Variants in CCDC60 observed in about 807,000 individuals in gnomAD.
The protein encoded by CCDC60 is coiled-coil domain containing 60.
A neutral mutation model predicts 63.5 loss-of-function variants in CCDC60; 54 were observed. That is an observed-to-expected ratio of 0.85 (90% CI 0.68 to 1.07). CCDC60 has a LOEUF of 1.07. CCDC60 is among the 50% of genes least tolerant of loss of function. CCDC60 has a pLI of 0.00. For missense variants in CCDC60, 651 were observed against 684.3 expected, an observed-to-expected ratio of 0.95 and a Z score of 0.54; for synonymous variants, 206 against 238.8, an observed-to-expected ratio of 0.86 and a Z score of 1.27.
chr12:119,383,639 C>G (rs1267875609), intron 1 of CCDC60, among the ~76,000 whole-genome samples: 1 of 152,208 alleles, frequency 6.6e-6, no homozygotes. Flanking sequence ...GCATTCATGC[C>G]TTTTGAGAGC....
intron 1 of CCDC60, among the ~76,000 whole-genome samples, chr12:119,350,181 A>G (rs1955641220): frequency 2.1e-5 from 2 of 96,172 alleles, no homozygotes; most frequent in South Asian, 6.0e-4. Flanking sequence ...TTATTTATTT[A>G]TTTATTTATT....
At chr12:119,412,761 C>A (rs1488762883) in intron 1 of CCDC60, among the ~76,000 whole-genome samples, 1 of 91,878 alleles carries the variant, frequency 1.1e-5, no homozygotes, top group Admixed American at 1.0e-4. Flanking sequence ...GTAAAGCCCC[C>A]CACCCCCCCC....
At chr12:119,413,159 A>T (rs923085663) in intron 1 of CCDC60, among the ~76,000 whole-genome samples, 54 of 152,066 alleles carry the variant, frequency 3.6e-4, no homozygotes, top group African/African-American at 1.2e-3. Context: ...CTTTCAAAAG[A>T]GCTTATGAGA....
At chr12:119,391,914 G>A (rs888836921) in intron 1 of CCDC60, among the ~76,000 whole-genome samples, 6 of 152,216 alleles carry the variant, frequency 3.9e-5, no homozygotes, top group South Asian at 2.1e-4. Flanking sequence ...CTGAGTGCTC[G>A]AGACAGCTGT....
At chr12:119,390,057 ATC>A (rs1956129578) in intron 1 of CCDC60, among the ~76,000 whole-genome samples, 1 of 152,192 alleles carries the variant, frequency 6.6e-6, no homozygotes, top group East Asian at 1.9e-4. Context: ...AGGTCATCAA[ATC>A]TCTCTCCTAA....
rs548263791 is a variant in CCDC60 at position 119,513,878 on chromosome 12, T to G, written c.884-2745T>G. Among the ~76,000 whole-genome samples, 114 of 152,336 alleles carry G rather than the reference T, an allele frequency of 7.5e-4. 1 individual carries two copies. The highest frequency in any genetic ancestry group is 2.6e-3 in the African/African-American group (110 of 41,586). On this transcript the variant is annotated intron_variant, in intron 7 of 13. Coordinates refer to ENST00000327554, the MANE Select transcript of CCDC60 (RefSeq NM_178499.5). ...GTACTTGATAACGATCAAATGACTA[T>G]GGTACTGGTTTATATAAGTACTACA... is the stretch of plus-strand genomic sequence containing the variant.
At chr12:119,479,236 T>C (rs768568779) in intron 4 of CCDC60, 35 bp downstream of exon 4, 4 of 1,489,560 alleles carry the variant, frequency 2.7e-6, no homozygotes, top group Middle Eastern at 1.7e-4. Flanking sequence ...TTTGCTTTGC[T>C]AGCTTATAAA....
At chr12:119,400,587 C>T (rs1156825208) in intron 1 of CCDC60, among the ~76,000 whole-genome samples, 1 of 152,226 alleles carries the variant, frequency 6.6e-6, no homozygotes, top group African/African-American at 2.4e-5. Context: ...CCTCGCCTCC[C>T]AGTTGGGTTT....
chr12:119,531,529 T>G (rs971624033), intron 13 of CCDC60, among the ~76,000 whole-genome samples: 1 of 152,106 alleles, frequency 6.6e-6, no homozygotes, highest in Non-Finnish European at 1.5e-5. Context: ...CTCAGGCAAC[T>G]GGGAAGGTGA....
At chr12:119,392,368 G>A (rs1956174809) in intron 1 of CCDC60, among the ~76,000 whole-genome samples, 1 of 152,194 alleles carries the variant, frequency 6.6e-6, no homozygotes, top group Admixed American at 6.5e-5. Context: ...CCTCTGCTGT[G>A]AGGAGAAGTG....
intron 1 of CCDC60, among the ~76,000 whole-genome samples, chr12:119,341,490 T>G (rs959760621): frequency 6.6e-6 from 1 of 152,180 alleles, no homozygotes; most frequent in African/African-American, 2.4e-5. Flanking sequence ...AGTGTGAGTT[T>G]CTGGTAAATG....
chr12:119,390,728 C>G (rs922832639), intron 1 of CCDC60, among the ~76,000 whole-genome samples: 2 of 152,200 alleles, frequency 1.3e-5, no homozygotes, highest in Admixed American at 6.5e-5. Context: ...CTGAGACTTG[C>G]TTTTCTGACA....
At chr12:119,432,088 C>T (rs1034938077) in intron 2 of CCDC60, among the ~76,000 whole-genome samples, 1 of 152,188 alleles carries the variant, frequency 6.6e-6, no homozygotes, top group Non-Finnish European at 1.5e-5. Context: ...CGTTAAAAGT[C>T]AGATATCTTT....
chr12:119,459,969 C>A (rs1236397911), intron 2 of CCDC60, among the ~76,000 whole-genome samples: 6 of 152,194 alleles, frequency 3.9e-5, no homozygotes, highest in Admixed American at 3.9e-4. Flanking sequence ...AGTAAAGTGG[C>A]TTTATCTGTG....
rs1301001257 is a variant in CCDC60 at position 119,419,906 on chromosome 12, C to A, written c.91-8777C>A. Among the ~76,000 whole-genome samples the A allele has an allele frequency of 3.7e-5, 5 of 136,274 alleles. No homozygotes were observed. The East Asian group carries it at 1.1e-3, about 29-fold the overall frequency. The allele number at this position is 136,274 out of a possible 152,430, so 89.4% of individuals were successfully genotyped here. A position where few individuals can be genotyped will look rare whatever the true frequency, so the allele number is the denominator to read the frequency against. ...TTTTTTTTTTTTGGAGACAGAGTCTCGCTCTGTCGCCCCAGGCTGGAGTGC... is the reference window on the plus strand; with the variant it reads ...TTTTTTTTTTTTGGAGACAGAGTCTAGCTCTGTCGCCCCAGGCTGGAGTGC... On this transcript the variant is annotated intron_variant, in intron 1 of 13. Coordinates refer to ENST00000327554, the MANE Select transcript of CCDC60 (RefSeq NM_178499.5).
rs12320180 is a variant in CCDC60, at chr12:119,394,544, G to A, written c.91-34139G>A. ...CCTAAAAGCACAGTTGCACTTTCTAGTTACTCCCAGAATGAATACCCCCAT... is the reference window on the plus strand; with the variant it reads ...CCTAAAAGCACAGTTGCACTTTCTAATTACTCCCAGAATGAATACCCCCAT... On this transcript the variant is annotated intron_variant, in intron 1 of 13. Transcript: ENST00000327554. Among the ~76,000 whole-genome samples the A allele has an allele frequency of 8.3e-3, 1,270 of 152,238 alleles. 17 individuals are homozygous for A. Among genetic ancestry groups the A allele is most frequent in the African/African-American group, 0.03 (1,241 of 41,524 alleles).
chr12:119,509,646 T>C (rs1443810261), intron 7 of CCDC60, among the ~76,000 whole-genome samples: 3 of 125,728 alleles, frequency 2.4e-5, no homozygotes, highest in Non-Finnish European at 3.7e-5. Context: ...TTCTTTAGAA[T>C]GATGATGATG....
rs1381441499 is a variant in CCDC60, at chr12:119,540,715, G to A, written c.1653G>A (p.Ter551=). Residue 551 remains the stop codon, a stop_retained_variant, in exon 14 of 14, where the codon TAG becomes TAA. Transcript: ENST00000327554. Reference sequence around the variant, plus strand: ...TTGGGCCCTACAGCGCCCTGAGGTAGGCTGGGCCTGGGTTGACCAGCTGTC... The same window carrying A: ...TTGGGCCCTACAGCGCCCTGAGGTAAGCTGGGCCTGGGTTGACCAGCTGTC... ...IPIGPYSALR[*] is the part of the protein sequence containing the mutation. 6.2e-7 allele frequency: 1 copy of A among 1,608,966 alleles called. No homozygotes were observed. Among genetic ancestry groups the A allele is most frequent in the African/African-American group, 1.3e-5 (1 of 74,946 alleles).
At chr12:119,535,835 C>A (rs1212999221) in intron 13 of CCDC60, among the ~76,000 whole-genome samples, 2 of 152,126 alleles carry the variant, frequency 1.3e-5, no homozygotes, top group Non-Finnish European at 2.9e-5. Flanking sequence ...TTCCTTCCAA[C>A]TATGTGGTCA....
Sources: gnomAD v4.1 joint callset for allele counts (sites outside exome capture counted in the v4.1 genomes callset) on GRCh38, gnomAD v4.1.1 for gene constraint, MANE v1.5 for transcripts, NCBI Gene and HGNC (gene_info 2026-07-23, HGNC 2026-07-21) for gene names.